OPCML: variants seen among roughly 807,000 people sequenced by gnomAD.
OPCML encodes opioid-binding protein/cell adhesion molecule.
In OPCML, 13 loss-of-function variants were observed where a neutral mutation model predicts 37.8. The ratio of observed to expected loss-of-function variants is 0.34; its 90% CI spans 0.22 to 0.55. OPCML has a LOEUF of 0.55. OPCML is among the 20% of genes least tolerant of loss of function. OPCML has a pLI of 0.91. For missense variants in OPCML, 341 were observed against 435.6 expected (o/e 0.78, Z 1.93); for synonymous variants, 176 against 168.8 (o/e 1.04, Z -0.33).
chr11:132,711,643 C>A (rs116263077), intron 2 of OPCML, among the ~76,000 whole-genome samples: 2,239 of 152,158 alleles, frequency 0.015, 40 homozygotes, highest in South Asian at 0.053. Context: ...CACATAGAAC[C>A]ATTGCGTGTG....
chr11:132,836,027 G>A (rs1373813112), intron 2 of OPCML, among the ~76,000 whole-genome samples: 1 of 152,182 alleles, frequency 6.6e-6, no homozygotes, highest in Non-Finnish European at 1.5e-5. Context: ...TTGGATCCCA[G>A]CATGCCCATC....
rs558021588 is a variant in OPCML, at chr11:133,503,433, G to A, written c.61+28831C>T. The stretch of plus-strand genomic sequence containing the variant: ...GGCCACAGCTCCTCCAAGCCCAGCT[G>A]TAAATCCTGCTAGTCTGTAAACAGC... On this transcript the variant is annotated intron_variant, in intron 1 of 7. Transcript: ENST00000524381. 1.7e-3 allele frequency among the ~76,000 whole-genome samples: 254 copies of A among 152,318 alleles called. 1 individual carries two copies. Among genetic ancestry groups the A allele is most frequent in the African/African-American group, 5.7e-3 (238 of 41,576 alleles).
intron 1 of OPCML, among the ~76,000 whole-genome samples, chr11:133,358,784 G>C (rs1944348297): frequency 6.6e-6 from 1 of 152,014 alleles, no homozygotes; most frequent in Non-Finnish European, 1.5e-5. Flanking sequence ...GCTGGCATTT[G>C]AGCAGAGCCC....
intron 2 of OPCML, among the ~76,000 whole-genome samples, chr11:132,924,445 AG>A (rs1348724812): frequency 5.9e-5 from 9 of 152,216 alleles, no homozygotes; most frequent in Non-Finnish European, 1.2e-4. Context: ...CCAAGCTTGA[AG>A]AACTTTTAAC....
At chr11:132,591,732 T>A (rs1344504321) in intron 3 of OPCML, among the ~76,000 whole-genome samples, 1 of 152,222 alleles carries the variant, frequency 6.6e-6, no homozygotes, top group Admixed American at 6.5e-5. Flanking sequence ...GTTACGTAGA[T>A]GCTGAGTACA....
intron 1 of OPCML, among the ~76,000 whole-genome samples, chr11:132,959,442 G>T (rs780030427): frequency 6.6e-6 from 1 of 152,214 alleles, no homozygotes; most frequent in African/African-American, 2.4e-5. Flanking sequence ...ATAAAGCAGC[G>T]GCGGGATTTG....
intron 1 of OPCML, among the ~76,000 whole-genome samples, chr11:133,311,886 C>A (rs1203483145): frequency 6.6e-6 from 1 of 152,128 alleles, no homozygotes; most frequent in African/African-American, 2.4e-5. Flanking sequence ...TGTCACAGTG[C>A]TTCTCCACCA....
chr11:132,855,003 C>G (rs1941994298), intron 2 of OPCML, among the ~76,000 whole-genome samples: 1 of 152,082 alleles, frequency 6.6e-6, no homozygotes, highest in South Asian at 2.1e-4. Context: ...CCCTCCTTGC[C>G]CAGGGACCAA....
intron 1 of OPCML, among the ~76,000 whole-genome samples, chr11:133,330,368 T>G (rs1281482680): frequency 6.6e-6 from 1 of 152,164 alleles, no homozygotes; most frequent in Non-Finnish European, 1.5e-5. Context: ...ATCATGCTGC[T>G]ATAAAGACAC....
chr11:132,525,052 A>G (rs2096304495), intron 4 of OPCML, among the ~76,000 whole-genome samples: 1 of 152,114 alleles, frequency 6.6e-6, no homozygotes, highest in South Asian at 2.1e-4. Context: ...GTGCAGCACT[A>G]CCTGAAACCT....
intron 1 of OPCML, among the ~76,000 whole-genome samples, chr11:133,034,315 G>GTT (rs1257968689): frequency 6.6e-6 from 1 of 150,934 alleles, no homozygotes; most frequent in African/African-American, 2.4e-5. Flanking sequence ...ATAGGTGTGT[G>GTT]TGTGTGTGTG....
At chr11:132,441,990 A>G (rs1198346642) in intron 4 of OPCML, among the ~76,000 whole-genome samples, 1 of 152,172 alleles carries the variant, frequency 6.6e-6, no homozygotes, top group East Asian at 1.9e-4. Context: ...AGACAGAAAA[A>G]CAACTCAGGG....
intron 1 of OPCML, among the ~76,000 whole-genome samples, chr11:132,978,508 G>A (rs1232026267): frequency 1.3e-5 from 2 of 152,152 alleles, no homozygotes; most frequent in Non-Finnish European, 2.9e-5. Flanking sequence ...CTGTCTTTTT[G>A]TCCCAGAGGG....
chr11:133,209,515 A>G (rs1939261544), intron 1 of OPCML, among the ~76,000 whole-genome samples: 1 of 152,238 alleles, frequency 6.6e-6, no homozygotes. Flanking sequence ...ACAACCTATC[A>G]TTCTTCAGAG....
chr11:133,038,124 A>G (rs957568270), intron 1 of OPCML, among the ~76,000 whole-genome samples: 1 of 152,236 alleles, frequency 6.6e-6, no homozygotes, highest in African/African-American at 2.4e-5. Flanking sequence ...TTCTGCCTGC[A>G]AGGCTGGATG....
intron 1 of OPCML, among the ~76,000 whole-genome samples, chr11:132,951,336 G>A (rs1466858282): frequency 1.3e-5 from 2 of 152,156 alleles, no homozygotes; most frequent in Admixed American, 6.5e-5. Flanking sequence ...AACATGCTCC[G>A]ACGAGGGCTC....
intron 1 of OPCML, among the ~76,000 whole-genome samples, chr11:133,484,412 C>T (rs530205525): frequency 3.3e-5 from 5 of 152,064 alleles, no homozygotes; most frequent in East Asian, 1.9e-4. Context: ...GTTGGAAATA[C>T]GAATTGGTAA....
At chr11:132,633,700 C>A (rs1940298344) in intron 3 of OPCML, among the ~76,000 whole-genome samples, 1 of 152,062 alleles carries the variant, frequency 6.6e-6, no homozygotes, top group Non-Finnish European at 1.5e-5. Flanking sequence ...CATCTCTTCT[C>A]CCTGGTGGTA....
At chr11:132,430,010 G>T (rs1314724797) in intron 7 of OPCML, among the ~76,000 whole-genome samples, 1 of 152,180 alleles carries the variant, frequency 6.6e-6, no homozygotes, top group South Asian at 2.1e-4. Context: ...GCATTGTGGG[G>T]TGAGAGGGGC....
Sources: gnomAD v4.1 joint callset for allele counts (sites outside exome capture counted in the v4.1 genomes callset) on GRCh38, gnomAD v4.1.1 for gene constraint, MANE v1.5 for transcripts, NCBI Gene and HGNC (gene_info 2026-07-23, HGNC 2026-07-21) for gene names.